Variants in FRMD4A observed in about 807,000 individuals in gnomAD.
FRMD4A encodes FERM domain containing 4A.
A neutral mutation model predicts 129.1 loss-of-function variants in FRMD4A; 29 were observed. The observed-to-expected ratio is 0.22, with a 90% confidence interval of 0.17 to 0.31. The LOEUF (loss-of-function observed/expected upper bound fraction) is 0.31, where lower values mean the gene tolerates loss of function less well. Among genes scored for constraint, FRMD4A ranks in the 10% least tolerant of loss-of-function variants. The pLI, the probability that FRMD4A is intolerant of heterozygous loss-of-function variation, is 1.00. For missense variants in FRMD4A, 1,272 were observed against 1,375.8 expected (o/e 0.92, Z 1.19); for synonymous variants, 634 against 571.6 (o/e 1.11, Z -1.56).
chr10:13,993,907 G>A (rs1421438673), intron 2 of FRMD4A, among the ~76,000 whole-genome samples: 3 of 151,794 alleles, frequency 2.0e-5, no homozygotes, highest in Admixed American at 6.6e-5. Flanking sequence ...TGGAGGGCCT[G>A]AGGATCTATT....
intron 8 of FRMD4A, 130 bp downstream of exon 8, chr10:13,761,517 G>C (rs1161814976): frequency 2.9e-6 from 2 of 693,960 alleles, no homozygotes; most frequent in Non-Finnish European, 5.1e-6. Flanking sequence ...CAAGTTGAGA[G>C]TTAGATCTCA....
intron 2 of FRMD4A, among the ~76,000 whole-genome samples, chr10:14,300,496 G>A (rs1233680151): frequency 6.6e-6 from 1 of 152,180 alleles, no homozygotes; most frequent in African/African-American, 2.4e-5. Flanking sequence ...ACTAGCAATT[G>A]ATGTTATCTC....
intron 3 of FRMD4A, among the ~76,000 whole-genome samples, chr10:13,846,165 A>G (rs1300654795): frequency 6.6e-6 from 1 of 152,258 alleles, no homozygotes; most frequent in African/African-American, 2.4e-5. Flanking sequence ...ATGATGATTA[A>G]TCACTAAGCT....
chr10:14,247,731 G>A (rs186110280), intron 2 of FRMD4A, among the ~76,000 whole-genome samples: 6 of 152,286 alleles, frequency 3.9e-5, no homozygotes, highest in Non-Finnish European at 1.5e-5. Flanking sequence ...AAGGCCTTAC[G>A]GGGCACAGGA....
At chr10:14,101,395 A>G in intron 2 of FRMD4A, among the ~76,000 whole-genome samples, 1 of 152,196 alleles carries the variant, frequency 6.6e-6, no homozygotes, top group East Asian at 1.9e-4. Flanking sequence ...TCTTACGAGT[A>G]GATAAAATAG....
At chr10:14,284,172 G>C (rs1041033629) in intron 2 of FRMD4A, among the ~76,000 whole-genome samples, 52 of 152,240 alleles carry the variant, frequency 3.4e-4, no homozygotes, top group African/African-American at 1.2e-3. Context: ...GTAAATAGCA[G>C]GAACTCAAGA....
intron 15 of FRMD4A, chr10:13,684,447 G>A (rs2084897212): frequency 1.1e-5 from 11 of 985,300 alleles, no homozygotes; most frequent in Non-Finnish European, 1.2e-5. Context: ...GCTTCCAGCC[G>A]GGGAACTCCA....
intron 2 of FRMD4A, among the ~76,000 whole-genome samples, chr10:13,892,814 ACAAACTTCGTAATAAAAAG>A: frequency 6.6e-6 from 1 of 152,316 alleles, no homozygotes; most frequent in East Asian, 1.9e-4. Flanking sequence ...CTGAGGACTT[ACAAACTTCGTAATAAAAAG>A]AAATCACTCA....
intron 16 of FRMD4A, among the ~76,000 whole-genome samples, chr10:13,672,222 A>G (rs79132873): frequency 0.014 from 2,135 of 152,288 alleles, 19 homozygotes; most frequent in Non-Finnish European, 0.022. Flanking sequence ...ATATTCCTCA[A>G]TGTAAGCATT....
At chr10:13,719,466 G>A (rs1471461117) in intron 12 of FRMD4A, among the ~76,000 whole-genome samples, 1 of 151,986 alleles carries the variant, frequency 6.6e-6, no homozygotes, top group Non-Finnish European at 1.5e-5. Flanking sequence ...CCCCAGGCAG[G>A]TAGGACCCCG....
chr10:13,891,966 C>A (rs1379397661), intron 2 of FRMD4A, among the ~76,000 whole-genome samples: 3 of 150,582 alleles, frequency 2.0e-5, no homozygotes, highest in Admixed American at 1.3e-4. Context: ...TAGGCGGCCA[C>A]CGCGCGCCAC....
At chr10:13,948,867 G>A (rs772967584) in intron 2 of FRMD4A, among the ~76,000 whole-genome samples, 3 of 151,750 alleles carry the variant, frequency 2.0e-5, no homozygotes, top group Non-Finnish European at 2.9e-5. Flanking sequence ...GGCCAGGATG[G>A]TTTTGATCTC....
chr10:13,987,761 T>C (rs1250195517), intron 2 of FRMD4A, among the ~76,000 whole-genome samples: 1 of 152,238 alleles, frequency 6.6e-6, no homozygotes, highest in African/African-American at 2.4e-5. Context: ...AACACAAATG[T>C]TGCTGATTCT....
At chr10:14,108,792 A>C (rs969369115) in intron 2 of FRMD4A, among the ~76,000 whole-genome samples, 1 of 152,222 alleles carries the variant, frequency 6.6e-6, no homozygotes, top group African/African-American at 2.4e-5. Context: ...GGCAGGGATA[A>C]AATGAAAAAG....
chr10:14,176,552 G>T (rs1841735843), intron 2 of FRMD4A, among the ~76,000 whole-genome samples: 1 of 134,860 alleles, frequency 7.4e-6, no homozygotes, highest in African/African-American at 2.9e-5. Flanking sequence ...TCAGCTCACT[G>T]CTATCTCCGC....
intron 2 of FRMD4A, among the ~76,000 whole-genome samples, chr10:13,869,758 G>A (rs181246938): frequency 3.3e-5 from 5 of 152,324 alleles, no homozygotes; most frequent in Admixed American, 6.5e-5. Flanking sequence ...CTGTTAGAGT[G>A]TTTTCTGAAA....
intron 2 of FRMD4A, among the ~76,000 whole-genome samples, chr10:14,065,350 A>AT (rs1388370063): frequency 2.0e-5 from 3 of 151,964 alleles, no homozygotes; most frequent in Admixed American, 1.3e-4. Context: ...TACCTGGATA[A>AT]TTTTTTGTAT....
At chr10:14,090,817 C>T (rs1036471532) in intron 2 of FRMD4A, among the ~76,000 whole-genome samples, 3 of 152,164 alleles carry the variant, frequency 2.0e-5, no homozygotes, top group African/African-American at 7.2e-5. Context: ...AGTACCCAGA[C>T]TAACATTTGA....
At chr10:14,325,736 C>A (rs1843247383) in intron 2 of FRMD4A, among the ~76,000 whole-genome samples, 2 of 152,142 alleles carry the variant, frequency 1.3e-5, no homozygotes, top group African/African-American at 4.8e-5. Flanking sequence ...AGATACTCAG[C>A]AAATATTTGT....
Sources: allele counts gnomAD v4.1 joint callset (sites outside exome capture counted in the v4.1 genomes callset), GRCh38; gene constraint gnomAD v4.1.1; transcripts MANE v1.5; gene names NCBI Gene and HGNC (gene_info 2026-07-23, HGNC 2026-07-21).